The following AUTS2 variants were observed in gnomAD, a reference collection of about 807,000 sequenced individuals.
The protein encoded by AUTS2 is autism susceptibility gene 2 protein.
Under a neutral mutation model 112.4 loss-of-function variants are expected in AUTS2, and 17 were observed. That is an observed-to-expected ratio of 0.15 (90% confidence interval 0.10 to 0.23). The LOEUF is 0.23. Among genes scored for constraint, AUTS2 ranks in the 10% least tolerant of loss-of-function variants. The pLI is 1.00. For missense variants in AUTS2, 1,510 were observed against 1,701.6 expected, an observed-to-expected ratio of 0.89 and a Z score of 1.98; for synonymous variants, 751 against 702.7, an observed-to-expected ratio of 1.07 and a Z score of -1.09.
chr7:70,515,287 G>A (rs958673652), intron 5 of AUTS2, among the ~76,000 whole-genome samples: 4 of 152,178 alleles, frequency 2.6e-5, no homozygotes, highest in South Asian at 2.1e-4. Flanking sequence ...GAGGCTAGAC[G>A]GTGGTGCCAA....
chr7:70,384,768 G>A (rs1194445793), intron 4 of AUTS2, among the ~76,000 whole-genome samples: 1 of 152,174 alleles, frequency 6.6e-6, no homozygotes, highest in Non-Finnish European at 1.5e-5. Flanking sequence ...TTTGGCGTTG[G>A]GTAGTGGACA....
chr7:70,762,468 A>G (rs577718334), intron 6 of AUTS2, among the ~76,000 whole-genome samples: 2 of 151,540 alleles, frequency 1.3e-5, no homozygotes, highest in East Asian at 1.9e-4. Flanking sequence ...GGGTCTTGCT[A>G]TGTTGCCCAG....
At chr7:70,633,579 C>G (rs1805381495) in intron 5 of AUTS2, among the ~76,000 whole-genome samples, 1 of 138,594 alleles carries the variant, frequency 7.2e-6, no homozygotes, top group South Asian at 2.4e-4. Flanking sequence ...CCACTGCACT[C>G]TAGCCTGGGC....
At chr7:70,421,242 A>G (rs552420853) in intron 4 of AUTS2, among the ~76,000 whole-genome samples, 6 of 152,250 alleles carry the variant, frequency 3.9e-5, no homozygotes, top group Admixed American at 2.6e-4. Flanking sequence ...AAACAAAAAA[A>G]GGTATTTAGA....
At chr7:70,247,281 A>G (rs1812974640) in intron 4 of AUTS2, among the ~76,000 whole-genome samples, 1 of 152,284 alleles carries the variant, frequency 6.6e-6, no homozygotes, top group East Asian at 1.9e-4. Flanking sequence ...AGAATACTGT[A>G]TAATTTCACT....
chr7:69,760,290 C>T (rs1438014332), intron 1 of AUTS2, among the ~76,000 whole-genome samples: 1 of 150,590 alleles, frequency 6.6e-6, no homozygotes, highest in African/African-American at 2.4e-5. Flanking sequence ...CCATCTCAGC[C>T]TCCCAATGTG....
At chr7:70,494,400 CA>C (rs1306776686) in intron 5 of AUTS2, among the ~76,000 whole-genome samples, 1 of 152,078 alleles carries the variant, frequency 6.6e-6, no homozygotes. Context: ...TTGAATCAGC[CA>C]AACACTCAGC....
intron 5 of AUTS2, among the ~76,000 whole-genome samples, chr7:70,565,819 G>A (rs1801685860): frequency 6.6e-6 from 1 of 152,128 alleles, no homozygotes; most frequent in African/African-American, 2.4e-5. Context: ...TGAGACTATA[G>A]ACAGAGCTTT....
chr7:70,628,226 A>G (rs562200139), intron 5 of AUTS2, among the ~76,000 whole-genome samples: 149 of 152,102 alleles, frequency 9.8e-4, no homozygotes, highest in Non-Finnish European at 2.0e-3. Flanking sequence ...GGTGGGACAG[A>G]TTTACCATGA....
intron 4 of AUTS2, among the ~76,000 whole-genome samples, chr7:70,190,693 C>T (rs1312049984): frequency 2.0e-5 from 3 of 152,158 alleles, no homozygotes; most frequent in African/African-American, 7.2e-5. Flanking sequence ...TTGCATTACT[C>T]TTCATTTTAC....
At chr7:70,489,449 G>A (rs759426371) in intron 5 of AUTS2, among the ~76,000 whole-genome samples, 37 of 152,122 alleles carry the variant, frequency 2.4e-4, no homozygotes, top group Admixed American at 2.0e-4. Flanking sequence ...CTGTGTAAAG[G>A]TATTGCTTAG....
intron 5 of AUTS2, among the ~76,000 whole-genome samples, chr7:70,564,189 A>C (rs1801607199): frequency 6.6e-6 from 1 of 152,132 alleles, no homozygotes; most frequent in South Asian, 2.1e-4. Context: ...TAATTCATTC[A>C]GTGCTGTGAT....
intron 1 of AUTS2, among the ~76,000 whole-genome samples, chr7:69,612,240 T>C (rs1793079722): frequency 6.6e-6 from 1 of 152,132 alleles, no homozygotes; most frequent in Non-Finnish European, 1.5e-5. Flanking sequence ...GGTTTTCCCA[T>C]GTATGGAGAT....
At chr7:69,807,063 C>T (rs1273222945) in intron 1 of AUTS2, among the ~76,000 whole-genome samples, 1 of 151,958 alleles carries the variant, frequency 6.6e-6, no homozygotes, top group Non-Finnish European at 1.5e-5. Context: ...CATGTTGCCT[C>T]CCTAAAACTT....
At chr7:70,293,580 G>C (rs1438420003) in intron 4 of AUTS2, 1 of 152,108 alleles carries the variant, frequency 6.6e-6, no homozygotes, top group Non-Finnish European at 1.5e-5. Context: ...TGGTATAAAA[G>C]GGATATGGAC....
chr7:70,519,885 A>G (rs926501890), intron 5 of AUTS2, among the ~76,000 whole-genome samples: 1 of 152,232 alleles, frequency 6.6e-6, no homozygotes, highest in Non-Finnish European at 1.5e-5. Context: ...TGAATTGCCA[A>G]TGAGGCTGTT....
At chr7:70,298,100 C>G (rs576623971) in intron 4 of AUTS2, among the ~76,000 whole-genome samples, 2 of 151,790 alleles carry the variant, frequency 1.3e-5, no homozygotes, top group Non-Finnish European at 1.5e-5. Context: ...GGCACTGTGT[C>G]AGCTCACTGC....
intron 4 of AUTS2, among the ~76,000 whole-genome samples, chr7:70,319,434 G>C (rs1442176767): frequency 6.6e-6 from 1 of 152,158 alleles, no homozygotes; most frequent in Non-Finnish European, 1.5e-5. Context: ...CTTTCCTTAG[G>C]AGTTTCTCAA....
chr7:69,860,343 A>G (rs1251133246), intron 1 of AUTS2, among the ~76,000 whole-genome samples: 1 of 152,126 alleles, frequency 6.6e-6, no homozygotes, highest in Non-Finnish European at 1.5e-5. Flanking sequence ...TCAATCAGGG[A>G]TTTAAAAAAA....
Sources: gnomAD v4.1 joint callset for allele counts (sites outside exome capture counted in the v4.1 genomes callset) on GRCh38, gnomAD v4.1.1 for gene constraint, MANE v1.5 for transcripts, NCBI Gene and HGNC (gene_info 2026-07-23, HGNC 2026-07-21) for gene names.